ALKBH1: variants seen among roughly 807,000 people sequenced by gnomAD.
ALKBH1 encodes alkB homolog 1, histone H2A dioxygenase, also known as nucleic acid dioxygenase ALKBH1.
ALKBH1 carries 31 observed loss-of-function variants against 36.6 expected under a neutral mutation model. The ratio of observed to expected loss-of-function variants is 0.85; its 90% CI spans 0.64 to 1.14. The LOEUF (loss-of-function observed/expected upper bound fraction) is 1.14. Among genes scored for constraint, ALKBH1 ranks in the 50% most tolerant of loss-of-function variants. ALKBH1 has a pLI of 0.00. For missense variants in ALKBH1, 490 were observed against 497.3 expected, an observed-to-expected ratio of 0.99 and a Z score of 0.14; for synonymous variants, 183 against 186.6, an observed-to-expected ratio of 0.98 and a Z score of 0.16.
At chr14:77,701,524 A>C (rs1566817721) in intron 2 of ALKBH1, among the ~76,000 whole-genome samples, 2 of 151,998 alleles carry the variant, frequency 1.3e-5, no homozygotes, top group Non-Finnish European at 2.9e-5. Flanking sequence ...TTCCCCCATA[A>C]GTCTTTTCTT....
chr14:77,682,901 T>C (rs974280522), intron 3 of ALKBH1, among the ~76,000 whole-genome samples: 7 of 152,190 alleles, frequency 4.6e-5, no homozygotes, highest in African/African-American at 1.7e-4. Flanking sequence ...TTCACCATGT[T>C]GGCTAGACTC....
intron 2 of ALKBH1, among the ~76,000 whole-genome samples, chr14:77,700,814 A>G (rs535842874): frequency 1.4e-4 from 22 of 152,246 alleles, no homozygotes; most frequent in African/African-American, 5.1e-4. Context: ...CTAGCCAGGC[A>G]CAGTGGTTCA....
intron 4 of ALKBH1, among the ~76,000 whole-genome samples, chr14:77,676,327 T>C (rs2080205655): frequency 6.6e-6 from 1 of 152,106 alleles, no homozygotes; most frequent in South Asian, 2.1e-4. Flanking sequence ...TAATGAATCA[T>C]TCAAAAACCC....
At chr14:77,695,319 T>C (rs1353980088) in intron 2 of ALKBH1, among the ~76,000 whole-genome samples, 2 of 152,234 alleles carry the variant, frequency 1.3e-5, no homozygotes, top group Non-Finnish European at 2.9e-5. Context: ...GTCTAATGAA[T>C]GGCGTGCTCA....
intron 3 of ALKBH1, among the ~76,000 whole-genome samples, chr14:77,686,158 G>A (rs1206650450): frequency 6.6e-6 from 1 of 152,036 alleles, no homozygotes; most frequent in African/African-American, 2.4e-5. Context: ...GTTAATCATG[G>A]GCCTCCTGAG....
At chr14:77,683,473 T>G (rs2080250012) in intron 3 of ALKBH1, 1 of 725,500 alleles carries the variant, frequency 1.4e-6, no homozygotes, top group African/African-American at 1.7e-5. Context: ...AACAGCATGC[T>G]GGGGAACACT....
chr14:77,694,801 A>G lies in ALKBH1; in HGVS notation c.392T>C (p.Leu131Pro). 1 of 1,608,682 alleles carries G rather than the reference A, an allele frequency of 6.2e-7. No homozygotes were observed. The highest frequency in any genetic ancestry group is 8.5e-7 in the Non-Finnish European group (1 of 1,177,626). Residue 131 changes from leucine to proline, a missense_variant, in exon 3 of 6, where the codon CTG becomes CCG. Leu to Pro is a moderately conservative substitution (Grantham distance 98, BLOSUM62 -3). Coordinates refer to ENST00000216489, the MANE Select transcript of ALKBH1 (RefSeq NM_006020.3). ...LYSQKPNVCN[L>P]DKHMSKEETQ... ...CTCTTCTTTAGACATGTGTTTGTCC[A>G]GGTTACATACATTAGGTTTCTGGGA... is the stretch of plus-strand genomic sequence containing the variant.
At chr14:77,677,891 A>C (rs1368461006) in intron 4 of ALKBH1, among the ~76,000 whole-genome samples, 1 of 152,098 alleles carries the variant, frequency 6.6e-6, no homozygotes, top group Non-Finnish European at 1.5e-5. Context: ...ATAATGAAAT[A>C]ATCACCCTTT....
intron 2 of ALKBH1, 98 bp downstream of exon 2, chr14:77,704,271 T>C: frequency 1.2e-6 from 1 of 862,152 alleles, no homozygotes; most frequent in Non-Finnish European, 1.9e-6. Flanking sequence ...ATGTGTATCC[T>C]TTGTCTATTT....
At chr14:77,696,750 A>G (rs1028289519) in intron 2 of ALKBH1, 34 of 152,368 alleles carry the variant, frequency 2.2e-4, no homozygotes, top group African/African-American at 8.2e-4. Context: ...GGCAGTATGC[A>G]GTCAGATAAA....
intron 1 of ALKBH1, among the ~76,000 whole-genome samples, chr14:77,707,277 C>T (rs7155611): frequency 0.92 from 140,096 of 152,236 alleles, 64,750 homozygotes; most frequent in Non-Finnish European, 0.97. Flanking sequence ...TGGGGAAAAG[C>T]TGAGAGAGAG....
rs964829621 is a variant in ALKBH1, at chr14:77,673,940, C to T, written c.1042G>A (p.Ala348Thr). The change falls in exon 6 of 6, where the codon GCC (alanine) becomes ACC (threonine). Residue 348 changes from alanine (A) to threonine (T), a missense_variant. Physicochemically the swap from Ala to Thr is moderately conservative, Grantham distance 58. Coordinates refer to ENST00000216489, the MANE Select transcript of ALKBH1 (RefSeq NM_006020.3). ...RVNMTVRQVL[A>T]TDQNFPLEPI... ...TCTAGAGGGAAATTCTGGTCTGTGGCCAGGACCTGTCGGACAGTCATGTTA... is the reference window on the plus strand; with the variant it reads ...TCTAGAGGGAAATTCTGGTCTGTGGTCAGGACCTGTCGGACAGTCATGTTA... 1.5e-5 allele frequency: 24 copies of T among 1,614,048 alleles called. No homozygotes were observed. The highest frequency in any genetic ancestry group is 1.7e-5 in the Non-Finnish European group (20 of 1,180,032).
chr14:77,703,529 T>C (rs2080371303), intron 2 of ALKBH1, among the ~76,000 whole-genome samples: 1 of 151,204 alleles, frequency 6.6e-6, no homozygotes. Flanking sequence ...TCTCCTGACC[T>C]CGTGATCCGC....
At chr14:77,703,896 C>T (rs577159067) in intron 2 of ALKBH1, among the ~76,000 whole-genome samples, 3 of 152,076 alleles carry the variant, frequency 2.0e-5, no homozygotes, top group African/African-American at 4.8e-5. Flanking sequence ...CCACGCCTGG[C>T]GAGGACTTTT....
intron 3 of ALKBH1, among the ~76,000 whole-genome samples, chr14:77,691,321 C>T (rs2139855699): frequency 6.6e-6 from 1 of 151,972 alleles, no homozygotes. Context: ...AAATTAAAAC[C>T]AAAAGGATCT....
At chr14:77,674,835 A>G (rs2080196333) in intron 5 of ALKBH1, among the ~76,000 whole-genome samples, 1 of 152,196 alleles carries the variant, frequency 6.6e-6, no homozygotes. Flanking sequence ...TATAGGTGTA[A>G]GCCATCATGC....
In ALKBH1 at chr14:77,692,916, A is replaced by ATT. The variant is rs1555384384; in HGVS notation, c.455+1820_455+1821dup. On this transcript the variant is annotated intron_variant, in intron 3 of 5. Transcript: ENST00000216489. ...TATGCCCAGCTAATTAAAAAAAAAA[A>ATT]TTTTTTTGGGGCCGGGAAGTGCCTT... Among the ~76,000 whole-genome samples, 32 of 150,832 alleles carry ATT rather than the reference A, an allele frequency of 2.1e-4. No individual in the cohort carries two copies. The East Asian group carries it at 2.5e-3, about 12-fold the overall frequency.
At chr14:77,683,173 CA>C (rs2080248217) in intron 3 of ALKBH1, 3 of 290,956 alleles carry the variant, frequency 1.0e-5, no homozygotes, top group Admixed American at 1.1e-4. Context: ...TTTTTTTTTA[CA>C]AACAGTCCAG....
Position 77,673,719 on chromosome 14 carries a change from C to G in ALKBH1, c.*93G>C. The G allele has an allele frequency of 7.5e-7, 1 of 1,340,294 alleles. No individual in the cohort carries two copies. The highest frequency in any genetic ancestry group is 1.0e-6 in the Non-Finnish European group (1 of 973,706). The allele number at this position is 1,340,294 out of a possible 1,614,324, so 83.0% of individuals were successfully genotyped here. The stretch of plus-strand genomic sequence containing the variant: ...AGTTCTTCCCTGTCTCTGTTTTTGG[C>G]TTGTCTGGGTGCTGAAGTCCACGGC... On this transcript the variant is annotated 3_prime_UTR_variant, in exon 6 of 6. Coordinates refer to ENST00000216489, the MANE Select transcript of ALKBH1 (RefSeq NM_006020.3).
Sources: gnomAD v4.1 joint callset for allele counts (sites outside exome capture counted in the v4.1 genomes callset) on GRCh38, gnomAD v4.1.1 for gene constraint, MANE v1.5 for transcripts, NCBI Gene and HGNC (gene_info 2026-07-23, HGNC 2026-07-21) for gene names.